Variants in COL4A3 observed in about 807,000 individuals in gnomAD.
COL4A3 encodes collagen type IV alpha 3 chain.
A neutral mutation model predicts 217.4 loss-of-function variants in COL4A3; 135 were observed. That is an observed-to-expected ratio of 0.62 (90% CI 0.54 to 0.72). The LOEUF is 0.72. Ranked by LOEUF, COL4A3 falls within the 30% of genes least tolerant of loss-of-function variation. COL4A3 has a pLI of 0.00. For missense variants in COL4A3, 1,868 were observed against 2,119.9 expected, an observed-to-expected ratio of 0.88 and a Z score of 2.33; for synonymous variants, 690 against 736.3, an observed-to-expected ratio of 0.94 and a Z score of 1.02.
intron 6 of COL4A3, chr2:227,246,306 T>C: frequency 1.9e-6 from 1 of 517,726 alleles, no homozygotes; most frequent in Non-Finnish European, 3.5e-6. Flanking sequence ...GAGTGCAGAA[T>C]TAGTTTTGGG....
rs187085118 is a variant in COL4A3, at chr2:227,299,222, C to T, written c.3882+410C>T. Reference sequence around the variant, plus strand: ...CATCCTGGCTAACATGGTGAAACCCCGTCTCTACTAAAAATACAAAAAATT... The same window carrying T: ...CATCCTGGCTAACATGGTGAAACCCTGTCTCTACTAAAAATACAAAAAATT... On this transcript the variant is annotated intron_variant, in intron 43 of 51. Coordinates refer to ENST00000396578, the MANE Select transcript of COL4A3 (RefSeq NM_000091.5). Among the ~76,000 whole-genome samples, 574 of 152,262 alleles carry T rather than the reference C, an allele frequency of 3.8e-3. 9 individuals carry two copies. In the East Asian group the frequency reaches 0.043, roughly 11 times the overall value.
chr2:227,190,416 T>G (rs74526885), intron 1 of COL4A3, among the ~76,000 whole-genome samples: 5,264 of 152,202 alleles, frequency 0.035, 158 homozygotes, highest in Admixed American at 0.079. Flanking sequence ...CTGTACCCAT[T>G]CCTGAGGAAC....
intron 37 of COL4A3, 131 bp from the exon 38 acceptor site, chr2:227,293,060 G>A: frequency 2.5e-6 from 3 of 1,216,992 alleles, no homozygotes; most frequent in Non-Finnish European, 3.5e-6. Flanking sequence ...ACCTATCACA[G>A]TGCTGGCAGA....
At chr2:227,189,392 G>A (rs2125696756) in intron 1 of COL4A3, among the ~76,000 whole-genome samples, 1 of 152,184 alleles carries the variant, frequency 6.6e-6, no homozygotes, top group Non-Finnish European at 1.5e-5. Context: ...GAGACAAGGA[G>A]GTGGCCAAAA....
rs1404471234 is a variant in COL4A3, at chr2:227,164,700, C to G, written c.-27C>G. Reference sequence around the variant, plus strand: ...CTGAGAGCCTGAGGGTCCCCGGACTCGCCCAGGCTCTGAGCGCGCGCCCAC... The same window carrying G: ...CTGAGAGCCTGAGGGTCCCCGGACTGGCCCAGGCTCTGAGCGCGCGCCCAC... On this transcript the variant is annotated 5_prime_UTR_variant, in exon 1 of 52. Coordinates refer to ENST00000396578, the MANE Select transcript of COL4A3 (RefSeq NM_000091.5). This position sits in a 1 kb window ranked among gnomAD's most constrained non-coding sequence, Gnocchi z 4.8. The G allele has an allele frequency of 2.0e-6, 3 of 1,530,146 alleles. No homozygotes were observed. In the African/African-American group the frequency reaches 4.1e-5, roughly 21 times the overall value. 94.8% of individuals were successfully genotyped at this position (1,530,146 alleles called of 1,614,324 possible).
chr2:227,253,176 C>A lies in COL4A3; in HGVS notation c.646-120C>A. ...TCTAAGAAATAGCTAAAATATGTATCATTCTAAAATGAAAGTTAAAATATA... is the reference window on the plus strand; with the variant it reads ...TCTAAGAAATAGCTAAAATATGTATAATTCTAAAATGAAAGTTAAAATATA... On this transcript the variant is annotated intron_variant, in intron 11 of 51. Transcript: ENST00000396578. This position sits in a 1 kb window ranked among gnomAD's most constrained non-coding sequence, Gnocchi z 4.4. The A allele has an allele frequency of 2.4e-6, 2 of 818,218 alleles. No individual in the cohort carries two copies. Among genetic ancestry groups the A allele is most frequent in the Non-Finnish European group, 4.0e-6 (2 of 495,616 alleles). The allele number at this position is 818,218 out of a possible 1,614,324, so 50.7% of individuals were successfully genotyped here.
chr2:227,306,664 C>T (rs73993951), intron 47 of COL4A3, among the ~76,000 whole-genome samples: 8,784 of 152,102 alleles, frequency 0.058, 343 homozygotes, highest in African/African-American at 0.098. Context: ...TGAAAAAATG[C>T]ATAATATTGG....
intron 47 of COL4A3, 80 bp downstream of exon 47, chr2:227,305,163 T>C: frequency 8.3e-7 from 1 of 1,211,518 alleles, no homozygotes; most frequent in Non-Finnish European, 1.2e-6. Flanking sequence ...GGTGACTATA[T>C]GAGTTATCTA....
At chr2:227,277,300 C>G (rs1008981881) in intron 27 of COL4A3, 149 bp from the exon 28 acceptor site, 1 of 618,314 alleles carries the variant, frequency 1.6e-6, no homozygotes, top group Non-Finnish European at 2.8e-6. Context: ...GCCTGGGCGA[C>G]AGACCGAAAC....
At chr2:227,215,856 G>A (rs1351055117) in intron 1 of COL4A3, among the ~76,000 whole-genome samples, 3 of 152,132 alleles carry the variant, frequency 2.0e-5, no homozygotes, top group African/African-American at 4.8e-5. Flanking sequence ...ACTAATAGAT[G>A]TTTGTACTAC....
chr2:227,277,163 C>CA (rs1316890458), intron 27 of COL4A3, among the ~76,000 whole-genome samples: 3 of 151,848 alleles, frequency 2.0e-5, no homozygotes, highest in East Asian at 1.9e-4. Flanking sequence ...ACTAAAAATA[C>CA]AAAAAATTAG....
chr2:227,177,241 C>T (rs1185352890), intron 1 of COL4A3, among the ~76,000 whole-genome samples: 2 of 151,512 alleles, frequency 1.3e-5, no homozygotes, highest in South Asian at 4.2e-4. Context: ...GCTCCGCCTC[C>T]CAGGTTCACA....
chr2:227,304,350 T>G (rs1001764388), intron 46 of COL4A3: 1 of 616,564 alleles, frequency 1.6e-6, no homozygotes, highest in Non-Finnish European at 2.8e-6. Flanking sequence ...TTGTTCATAG[T>G]ATAACTTGAA....
chr2:227,310,611 C>T (rs946005492), intron 50 of COL4A3, among the ~76,000 whole-genome samples, 165 bp from the exon 51 acceptor site: 3 of 152,182 alleles, frequency 2.0e-5, no homozygotes, highest in Admixed American at 6.5e-5. Context: ...TGAGTCACTG[C>T]GCCTGGCCAC....
intron 1 of COL4A3, among the ~76,000 whole-genome samples, chr2:227,231,909 C>T (rs1270218927): frequency 2.4e-5 from 1 of 42,420 alleles, no homozygotes; most frequent in Non-Finnish European, 6.1e-5. Context: ...CTTATTCATT[C>T]TAATTTTTTT....
chr2:227,274,478 C>T (rs1242287646), intron 26 of COL4A3, among the ~76,000 whole-genome samples: 1 of 150,358 alleles, frequency 6.7e-6, no homozygotes, highest in African/African-American at 2.4e-5. Flanking sequence ...TTATGTTTAT[C>T]TGCACCTTAC....
In COL4A3 at chr2:227,254,135, C is replaced by T. The variant is rs779821655; in HGVS notation, c.789C>T (p.Asp263=). The T allele has an allele frequency of 3.1e-6, 5 of 1,613,836 alleles. No individual in the cohort carries two copies. Among genetic ancestry groups the T allele is most frequent in the Non-Finnish European group, 4.2e-6 (5 of 1,179,890 alleles). The part of the protein sequence containing the change: ...NRTDLKGEKG[D]KGAMGEPGPP... ...AGGACCTCAAGGGGGAAAAGGGAGA[C>T]AAGGGAGCAATGGGCGAGCCTGGAC... The change falls in exon 14 of 52, where the codon GAC becomes GAT. Residue 263 remains aspartate (D), a synonymous_variant. Coordinates refer to ENST00000396578, the MANE Select transcript of COL4A3 (RefSeq NM_000091.5).
At chr2:227,235,639 T>C (rs1393476123) in intron 1 of COL4A3, among the ~76,000 whole-genome samples, 4 of 152,190 alleles carry the variant, frequency 2.6e-5, no homozygotes, top group African/African-American at 4.8e-5. Context: ...TCTTATGCCT[T>C]TGTGTACTTA....
chr2:227,254,088 A>G (rs766877882), intron 13 of COL4A3, 24 bp from the exon 14 acceptor site: 3 of 1,606,458 alleles, frequency 1.9e-6, no homozygotes, highest in Non-Finnish European at 2.6e-6. Flanking sequence ...CATTTGTAAC[A>G]ATGTTGAACT....
Sources: gnomAD v4.1 joint callset for allele counts (sites outside exome capture counted in the v4.1 genomes callset) on GRCh38, gnomAD v4.1.1 for gene constraint, Gnocchi (gnomAD v3.1) non-coding constraint, MANE v1.5 for transcripts, NCBI Gene and HGNC (gene_info 2026-07-23, HGNC 2026-07-21) for gene names.